Variants in ZNF148 observed in about 807,000 individuals in gnomAD.
The protein encoded by ZNF148 is Beta-Enolase Repressor Factor-1.
A neutral mutation model predicts 67.7 loss-of-function variants in ZNF148; 7 were observed. The observed-to-expected ratio is 0.10, with a 90% CI of 0.06 to 0.19. ZNF148 has a LOEUF of 0.19. Ranked by LOEUF, ZNF148 falls within the 10% of genes least tolerant of loss-of-function variation. The pLI is 1.00. For missense variants in ZNF148, 583 were observed against 947.1 expected, an observed-to-expected ratio of 0.62 and a Z score of 5.05; for synonymous variants, 333 against 330.7, an observed-to-expected ratio of 1.01 and a Z score of -0.08.
chr3:125,246,445 C>T (rs1239592001), intron 7 of ZNF148, among the ~76,000 whole-genome samples: 2 of 152,172 alleles, frequency 1.3e-5, no homozygotes, highest in African/African-American at 4.8e-5. Context: ...ATGCTGGTCT[C>T]AGCATTTCTT....
chr3:125,234,427 T>C lies in ZNF148; in HGVS notation c.668-98A>G, dbSNP rs1019094241. ...TCTAAAATAAATGGCTTTTGAAAGT[T>C]GTAACTTCCAATTTCATTTGTCAAA... On this transcript the variant is annotated intron_variant, in intron 7 of 8. Transcript: ENST00000360647. 3 of 819,348 alleles carry C rather than the reference T, an allele frequency of 3.7e-6. No homozygotes were observed. In the Admixed American group the frequency reaches 6.9e-5, roughly 19 times the overall value. The allele number at this position is 819,348 out of a possible 1,614,324, so 50.8% of individuals were successfully genotyped here.
At chr3:125,306,605 A>T (rs532197697) in intron 4 of ZNF148, among the ~76,000 whole-genome samples, 1 of 152,304 alleles carries the variant, frequency 6.6e-6, no homozygotes, top group South Asian at 2.1e-4. Context: ...TTTGTAATTT[A>T]AAACCTTCCC....
intron 5 of ZNF148, among the ~76,000 whole-genome samples, chr3:125,284,578 T>A (rs1401103087): frequency 6.6e-6 from 1 of 152,118 alleles, no homozygotes; most frequent in East Asian, 1.9e-4. Context: ...TACGCAATTT[T>A]AAAAAATGTT....
At chr3:125,295,032 A>G (rs1387403497) in intron 4 of ZNF148, among the ~76,000 whole-genome samples, 1 of 152,238 alleles carries the variant, frequency 6.6e-6, no homozygotes, top group East Asian at 1.9e-4. Flanking sequence ...ACTTATTTAA[A>G]AATGCTTTTT....
intron 3 of ZNF148, among the ~76,000 whole-genome samples, chr3:125,317,525 G>A (rs7620790): frequency 0.82 from 123,438 of 150,976 alleles, 51,093 homozygotes; most frequent in African/African-American, 0.95. Flanking sequence ...TTATGACTCA[G>A]CCATACAATG....
At position 125,374,779 on chromosome 3, in the gene ZNF148, G is replaced by T. The variant is rs144241086; in HGVS notation, c.-234+323C>A. Among the ~76,000 whole-genome samples the T allele has an allele frequency of 3.9e-5, 6 of 151,936 alleles. No individual in the cohort carries two copies. In the East Asian group the frequency reaches 1.2e-3, roughly 30 times the overall value. On this transcript the variant is annotated intron_variant, in intron 1 of 8. Coordinates refer to ENST00000360647, the MANE Select transcript of ZNF148 (RefSeq NM_021964.3). ...TTCACACCCACACCCAGCACCCTCC[G>T]GCCTCCCCGTGCAAACATCCCACCT...
chr3:125,346,921 GTCTC>G (rs564985380), intron 1 of ZNF148, among the ~76,000 whole-genome samples: 96 of 152,070 alleles, frequency 6.3e-4, no homozygotes, highest in African/African-American at 2.2e-3. Flanking sequence ...AAAAAAAACT[GTCTC>G]TATTTCCAAA....
At chr3:125,320,638 T>C (rs886596272) in intron 3 of ZNF148, among the ~76,000 whole-genome samples, 52 of 152,154 alleles carry the variant, frequency 3.4e-4, no homozygotes, top group African/African-American at 1.2e-3. Flanking sequence ...AAAGAGTAAT[T>C]CCCAACTTAA....
At chr3:125,285,709 C>T (rs962088133) in intron 5 of ZNF148, among the ~76,000 whole-genome samples, 2 of 152,084 alleles carry the variant, frequency 1.3e-5, no homozygotes, top group African/African-American at 4.8e-5. Context: ...GTTATTCTTA[C>T]ACCTCTGTCT....
chr3:125,258,562 T>C (rs1243604616), intron 7 of ZNF148, among the ~76,000 whole-genome samples: 1 of 152,130 alleles, frequency 6.6e-6, no homozygotes, highest in Non-Finnish European at 1.5e-5. Context: ...CCACTGCACC[T>C]GGCTGTAACT....
intron 1 of ZNF148, among the ~76,000 whole-genome samples, chr3:125,336,529 A>G (rs1218201088): frequency 1.3e-5 from 2 of 151,780 alleles, no homozygotes; most frequent in Non-Finnish European, 2.9e-5. Context: ...ATTTAAATTT[A>G]AAGTTATTAA....
At chr3:125,276,106 T>A (rs1207005361) in intron 7 of ZNF148, among the ~76,000 whole-genome samples, 3 of 152,184 alleles carry the variant, frequency 2.0e-5, no homozygotes, top group Non-Finnish European at 4.4e-5. Context: ...TGAAAAACAC[T>A]GGATGCTCAA....
intron 1 of ZNF148, among the ~76,000 whole-genome samples, chr3:125,349,949 T>A (rs1229152930): frequency 6.6e-6 from 1 of 152,224 alleles, no homozygotes; most frequent in African/African-American, 2.4e-5. Context: ...CATGAACTTG[T>A]ATGAACAACC....
At chr3:125,255,976 A>G (rs948485607) in intron 7 of ZNF148, among the ~76,000 whole-genome samples, 7 of 151,918 alleles carry the variant, frequency 4.6e-5, no homozygotes, top group Middle Eastern at 3.4e-3. Context: ...ACATGGCTTG[A>G]TATTCTTCAT....
intron 7 of ZNF148, among the ~76,000 whole-genome samples, chr3:125,269,813 T>A (rs1386147412): frequency 6.6e-6 from 1 of 152,100 alleles, no homozygotes; most frequent in African/African-American, 2.4e-5. Context: ...GAAACATGGA[T>A]GCAGCTGGAG....
rs551935318 is a variant in ZNF148, at chr3:125,369,624, A to G, written c.-234+5478T>C. 3.9e-5 allele frequency among the ~76,000 whole-genome samples: 6 copies of G among 152,194 alleles called. No homozygotes were observed. The South Asian group carries it at 1.2e-3, about 32-fold the overall frequency. On this transcript the variant is annotated intron_variant, in intron 1 of 8. Coordinates refer to ENST00000360647, the MANE Select transcript of ZNF148 (RefSeq NM_021964.3). ...CCGAAATATAAAAGTTCTTATCTGG[A>G]GATATAATTTTGATATTTGTTTTTA...
intron 5 of ZNF148, among the ~76,000 whole-genome samples, chr3:125,281,886 A>G (rs1178224599): frequency 1.3e-5 from 2 of 152,210 alleles, no homozygotes; most frequent in South Asian, 2.1e-4. Flanking sequence ...CTTGACTCAG[A>G]TGAGCATCAA....
intron 4 of ZNF148, among the ~76,000 whole-genome samples, chr3:125,303,136 T>C (rs996063206): frequency 5.3e-5 from 8 of 152,198 alleles, no homozygotes; most frequent in Admixed American, 1.3e-4. Context: ...TAGGATTCCA[T>C]TGATACAACA....
intron 7 of ZNF148, among the ~76,000 whole-genome samples, chr3:125,239,501 G>A (rs114486818): frequency 0.027 from 4,086 of 152,194 alleles, 75 homozygotes; most frequent in Non-Finnish European, 0.043. Flanking sequence ...TCACACCCAC[G>A]AGGATGGCTA....
Sources: gnomAD v4.1 joint callset for allele counts (sites outside exome capture counted in the v4.1 genomes callset) on GRCh38, gnomAD v4.1.1 for gene constraint, MANE v1.5 for transcripts, NCBI Gene and HGNC (gene_info 2026-07-23, HGNC 2026-07-21) for gene names.